ARHGEF10: variants seen among roughly 807,000 people sequenced by gnomAD.
ARHGEF10 encodes Rho guanine nucleotide exchange factor (GEF) 10.
A neutral mutation model predicts 147.4 loss-of-function variants in ARHGEF10; 140 were observed. The ratio of observed to expected loss-of-function variants is 0.95; its 90% confidence interval spans 0.83 to 1.09. ARHGEF10 has a LOEUF of 1.09. Among genes scored for constraint, ARHGEF10 ranks in the 50% least tolerant of loss-of-function variants. The pLI is 0.00. For synonymous variants in ARHGEF10, 902 were observed against 695.8 expected, an observed-to-expected ratio of 1.30 and a Z score of -4.67; for missense variants, 2,222 against 1,752.7, an observed-to-expected ratio of 1.27 and a Z score of -4.78.
chr8:1,920,421 C>T (rs1042497742), intron 18 of ARHGEF10, among the ~76,000 whole-genome samples: 14 of 152,070 alleles, frequency 9.2e-5, no homozygotes, highest in South Asian at 2.1e-4. Context: ...TTCCTTGGCT[C>T]GAGCGATCTT....
chr8:1,844,574 C>G (rs1804399483), intron 2 of ARHGEF10, among the ~76,000 whole-genome samples: 1 of 150,650 alleles, frequency 6.6e-6, no homozygotes, highest in Admixed American at 6.6e-5. Flanking sequence ...AAGTCCAGCT[C>G]CTGGAGTTCT....
chr8:1,848,098 G>C (rs1419886348), intron 2 of ARHGEF10, among the ~76,000 whole-genome samples: 1 of 152,230 alleles, frequency 6.6e-6, no homozygotes, highest in African/African-American at 2.4e-5. Context: ...GGTCTTGGTA[G>C]CTTGTAGAAT....
intron 26 of ARHGEF10, among the ~76,000 whole-genome samples, chr8:1,935,546 C>G (rs3779705): frequency 1.3e-5 from 2 of 152,124 alleles, no homozygotes; most frequent in Non-Finnish European, 2.9e-5. Flanking sequence ...CTGGTTGGAA[C>G]GTGGGGACAC....
At chr8:1,933,045 A>G (rs1813278360) in intron 25 of ARHGEF10, among the ~76,000 whole-genome samples, 1 of 152,240 alleles carries the variant, frequency 6.6e-6, no homozygotes, top group Non-Finnish European at 1.5e-5. Flanking sequence ...TTGGTATTCA[A>G]GGTAGCAACT....
rs1476457048 is a variant in ARHGEF10, at chr8:1,937,561, A to G, written c.3222+3619A>G. ...AGGGCTCTTTCCTTGCATTTTTAGT[A>G]CCAAAATAACTAAATACATTTTTAG... On this transcript the variant is annotated intron_variant, in intron 26 of 28. Transcript: ENST00000349830. This position sits in a 1 kb window ranked among gnomAD's most constrained non-coding sequence, Gnocchi z 4.9. Among the ~76,000 whole-genome samples, 1 of 152,180 alleles carries G rather than the reference A, an allele frequency of 6.6e-6. No homozygotes were observed. Among genetic ancestry groups the G allele is most frequent in the Non-Finnish European group, 1.5e-5 (1 of 68,036 alleles).
chr8:1,918,734 A>C (rs146334395), intron 18 of ARHGEF10, among the ~76,000 whole-genome samples: 2 of 152,190 alleles, frequency 1.3e-5, no homozygotes, highest in African/African-American at 4.8e-5. Context: ...TCTTGAACCT[A>C]TTCCTCCCAA....
chr8:1,928,633 A>G lies in ARHGEF10; in HGVS notation c.2904A>G (p.Val968=). ...CTTCTGATGTCCCCACGATCTGTGTAGGGACGGAGGAGGGAAGGTAGGGCA... is the reference window on the plus strand; with the variant it reads ...CTTCTGATGTCCCCACGATCTGTGTGGGGACGGAGGAGGGAAGGTAGGGCA... ...VRASDVPTIC[V]GTEEGSISIY... The change falls in exon 24 of 29, where the codon GTA becomes GTG. Residue 968 remains valine, a synonymous_variant. Coordinates refer to ENST00000349830, the MANE Select transcript of ARHGEF10 (RefSeq NM_014629.4). The G allele has an allele frequency of 3.1e-6, 5 of 1,614,146 alleles. No homozygotes were observed. Among genetic ancestry groups the G allele is most frequent in the Non-Finnish European group, 4.2e-6 (5 of 1,180,034 alleles).
intron 1 of ARHGEF10, among the ~76,000 whole-genome samples, chr8:1,838,402 G>C (rs527716059): frequency 4.6e-5 from 7 of 151,498 alleles, no homozygotes; most frequent in African/African-American, 1.7e-4. Context: ...CCAGGCTGAC[G>C]AATGAAGGAG....
At chr8:1,853,221 G>C (rs1034799273) in intron 2 of ARHGEF10, among the ~76,000 whole-genome samples, 2 of 152,188 alleles carry the variant, frequency 1.3e-5, no homozygotes, top group Middle Eastern at 3.2e-3. Context: ...GAGGGGCACA[G>C]AGCCTCTCCC....
At chr8:1,854,273 A>T (rs1019605983) in intron 2 of ARHGEF10, among the ~76,000 whole-genome samples, 1 of 151,928 alleles carries the variant, frequency 6.6e-6, no homozygotes, top group Non-Finnish European at 1.5e-5. Flanking sequence ...GCCCCCTTGG[A>T]GGTGGGGGTC....
chr8:1,919,770 GTTCTA>G, intron 18 of ARHGEF10, among the ~76,000 whole-genome samples: 1 of 148,550 alleles, frequency 6.7e-6, no homozygotes, highest in Non-Finnish European at 1.5e-5. Context: ...TGATGGAGCT[GTTCTA>G]TGGGTGATGG....
chr8:1,857,918 CTAT>C, intron 2 of ARHGEF10, 39 bp from the exon 3 acceptor site: 1 of 1,445,758 alleles, frequency 6.9e-7, no homozygotes, highest in Non-Finnish European at 9.7e-7. Flanking sequence ...ATCTATCTAT[CTAT>C]CTATCTCTCC....
At chr8:1,851,061 C>G (rs1482228181) in intron 2 of ARHGEF10, among the ~76,000 whole-genome samples, 1 of 152,120 alleles carries the variant, frequency 6.6e-6, no homozygotes, top group Middle Eastern at 3.2e-3. Context: ...AGGCGGAGCA[C>G]GGGATTTTTA....
intron 2 of ARHGEF10, among the ~76,000 whole-genome samples, chr8:1,847,557 C>G (rs1419690268): frequency 6.6e-6 from 1 of 152,092 alleles, no homozygotes; most frequent in African/African-American, 2.4e-5. Flanking sequence ...GACGCCAGCA[C>G]TCACACTGGC....
At chr8:1,924,490 TC>T (rs1490768218) in intron 21 of ARHGEF10, among the ~76,000 whole-genome samples, 3 of 152,334 alleles carry the variant, frequency 2.0e-5, no homozygotes, top group African/African-American at 7.2e-5. Flanking sequence ...TGTAAAATTT[TC>T]CTTCTGCTGT....
intron 10 of ARHGEF10, among the ~76,000 whole-genome samples, chr8:1,885,046 T>A (rs1808539519): frequency 6.6e-6 from 1 of 152,064 alleles, no homozygotes; most frequent in South Asian, 2.1e-4. Flanking sequence ...ATTAGGGGAG[T>A]GAGCCACCCC....
intron 7 of ARHGEF10, among the ~76,000 whole-genome samples, chr8:1,875,449 C>T (rs1807616294): frequency 6.6e-6 from 1 of 152,144 alleles, no homozygotes; most frequent in Admixed American, 6.5e-5. Flanking sequence ...TGATGCCCAG[C>T]CCCAAATTTC....
chr8:1,945,845 C>G, intron 27 of ARHGEF10, 190 bp downstream of exon 27: 1 of 919,586 alleles, frequency 1.1e-6, no homozygotes, highest in Non-Finnish European at 1.7e-6. Context: ...CCCACTTTAG[C>G]GCTTCCCGGT....
At chr8:1,942,460 C>T (rs571661023) in intron 26 of ARHGEF10, among the ~76,000 whole-genome samples, 4 of 151,736 alleles carry the variant, frequency 2.6e-5, no homozygotes, top group Admixed American at 6.6e-5. Context: ...GGAGCCAGCA[C>T]GCACTGCAGA....
Sources: gnomAD v4.1 joint callset for allele counts (sites outside exome capture counted in the v4.1 genomes callset) on GRCh38, gnomAD v4.1.1 for gene constraint, Gnocchi (gnomAD v3.1) non-coding constraint, MANE v1.5 for transcripts, NCBI Gene and HGNC (gene_info 2026-07-23, HGNC 2026-07-21) for gene names.